The following CYP2U1 variants were observed in gnomAD, a reference collection of about 807,000 sequenced individuals.
The protein encoded by CYP2U1 is cytochrome P450 family 2 subfamily U member 1.
In CYP2U1, 28 loss-of-function variants were observed where a neutral mutation model predicts 42.8. The ratio of observed to expected loss-of-function variants is 0.65; its 90% CI spans 0.48 to 0.90. The LOEUF is 0.90. Ranked by LOEUF, CYP2U1 falls within the 40% of genes least tolerant of loss-of-function variation. CYP2U1 has a pLI of 0.00. For synonymous variants in CYP2U1, 296 were observed against 278.9 expected, an observed-to-expected ratio of 1.06 and a Z score of -0.61; for missense variants, 642 against 693.8, an observed-to-expected ratio of 0.93 and a Z score of 0.84.
intron 2 of CYP2U1, among the ~76,000 whole-genome samples, chr4:107,945,925 G>T (rs1733684879): frequency 1.3e-5 from 2 of 152,118 alleles, no homozygotes; most frequent in African/African-American, 2.4e-5. Flanking sequence ...AACACATCTT[G>T]TTTTTTTGAA....
intron 1 of CYP2U1, among the ~76,000 whole-genome samples, chr4:107,941,548 T>C (rs1733495783): frequency 6.6e-6 from 1 of 151,866 alleles, no homozygotes; most frequent in African/African-American, 2.4e-5. Flanking sequence ...CAAGCAAATG[T>C]CAAATGTCAA....
intron 1 of CYP2U1, among the ~76,000 whole-genome samples, chr4:107,944,532 C>T (rs1257953166): frequency 6.6e-6 from 1 of 151,154 alleles, no homozygotes; most frequent in East Asian, 2.0e-4. Context: ...TCTGGAACTC[C>T]TGGCTTCAAT....
chr4:107,947,056 C>A (rs549101672), intron 2 of CYP2U1, among the ~76,000 whole-genome samples: 2 of 152,174 alleles, frequency 1.3e-5, no homozygotes, highest in Non-Finnish European at 2.9e-5. Context: ...CACATGTTGT[C>A]ACAGTCTACT....
chr4:107,949,057 T>A (rs557519630), intron 3 of CYP2U1, among the ~76,000 whole-genome samples: 1 of 152,270 alleles, frequency 6.6e-6, no homozygotes, highest in East Asian at 1.9e-4. Context: ...AATCCCCTAT[T>A]GTTTCTGTTT....
intron 4 of CYP2U1, 64 bp from the exon 5 acceptor site, chr4:107,950,181 A>G (rs763979652): frequency 9.7e-5 from 140 of 1,442,988 alleles, no homozygotes; most frequent in Non-Finnish European, 1.3e-4. Context: ...ATAAATTTGT[A>G]CTTTTTGAAA....
chr4:107,934,513 G>A (rs567766994), intron 1 of CYP2U1, among the ~76,000 whole-genome samples: 3 of 151,918 alleles, frequency 2.0e-5, no homozygotes, highest in South Asian at 2.1e-4. Flanking sequence ...GCTTGCTTCC[G>A]CTCCAGATTT....
intron 1 of CYP2U1, among the ~76,000 whole-genome samples, chr4:107,933,860 A>G (rs1295167291): frequency 1.3e-5 from 2 of 152,198 alleles, no homozygotes; most frequent in Non-Finnish European, 2.9e-5. Flanking sequence ...CATTCAGTAC[A>G]GATGTGTTTT....
intron 1 of CYP2U1, among the ~76,000 whole-genome samples, chr4:107,943,624 A>G (rs764393397): frequency 3.9e-5 from 6 of 152,238 alleles, no homozygotes; most frequent in African/African-American, 1.2e-4. Flanking sequence ...GAAGATTCCA[A>G]TGAGGAAAGT....
intron 1 of CYP2U1, 186 bp downstream of exon 1, chr4:107,932,319 C>A: frequency 1.6e-6 from 1 of 620,752 alleles, no homozygotes; most frequent in Non-Finnish European, 2.0e-6. Context: ...AAGATCCCAT[C>A]AAGTAGTGAC....
At chr4:107,935,761 C>T (rs1287609989) in intron 1 of CYP2U1, 1 of 152,182 alleles carries the variant, frequency 6.6e-6, no homozygotes, top group Non-Finnish European at 1.5e-5. Flanking sequence ...TCAAGATGCT[C>T]AGCTCAGCAA....
At chr4:107,932,304 C>A (rs1041308486) in intron 1 of CYP2U1, 171 bp downstream of exon 1, 1 of 720,462 alleles carries the variant, frequency 1.4e-6, no homozygotes, top group Non-Finnish European at 1.7e-6. Flanking sequence ...CTTTCTGATG[C>A]CTTTAAGATC....
rs1339047775 is a variant in CYP2U1, at chr4:107,931,916, C to T, written c.273C>T (p.Thr91=). The T allele has an allele frequency of 6.4e-7, 1 of 1,550,942 alleles. No individual in the cohort carries two copies. Among genetic ancestry groups the T allele is most frequent in the Non-Finnish European group, 8.7e-7 (1 of 1,146,924 alleles). ...LRRRSWLSSR[T]RAAGIDPSVI... is the part of the protein sequence containing the mutation. Reference sequence around the variant, plus strand: ...GGCGGAGCTGGCTGAGCAGCAGGACCAGGGCCGCAGGGATTGATCCCTCGG... The same window carrying T: ...GGCGGAGCTGGCTGAGCAGCAGGACTAGGGCCGCAGGGATTGATCCCTCGG... Residue 91 remains threonine, a synonymous_variant, in exon 1 of 5, where the codon ACC becomes ACT. Transcript: ENST00000332884.
At chr4:107,950,153 T>C in intron 4 of CYP2U1, 92 bp from the exon 5 acceptor site, 1 of 1,275,768 alleles carries the variant, frequency 7.8e-7, no homozygotes, top group Non-Finnish European at 1.1e-6. Context: ...TTTAGAATAC[T>C]CAATTTAGAT....
In CYP2U1 at chr4:107,931,688, C is replaced by G. The variant is rs1732981162; in HGVS notation, c.45C>G (p.Pro15=). ...GPSQPPAEDP[P]WPARLLRAPL... ...CGCAGCCGCCGGCCGAGGACCCGCC[C>G]TGGCCCGCGCGCCTCCTGCGTGCGC... Residue 15 remains proline (P), a synonymous_variant, in exon 1 of 5, where the codon CCC becomes CCG. Coordinates refer to ENST00000332884, the MANE Select transcript of CYP2U1 (RefSeq NM_183075.3). The G allele has an allele frequency of 7.5e-7, 1 of 1,335,620 alleles. No individual in the cohort carries two copies. The highest frequency in any genetic ancestry group is 1.5e-5 in the African/African-American group (1 of 64,650). The allele number at this position is 1,335,620 out of a possible 1,614,324, so 82.7% of individuals were successfully genotyped here. A position where few individuals can be genotyped will look rare whatever the true frequency, so the allele number is the denominator to read the frequency against.
In CYP2U1 at chr4:107,949,359, G is replaced by T; in HGVS notation, c.1298G>T (p.Gly433Val). The T allele has an allele frequency of 1.3e-6, 2 of 1,559,860 alleles. No individual in the cohort carries two copies. Among genetic ancestry groups the T allele is most frequent in the Non-Finnish European group, 1.7e-6 (2 of 1,153,138 alleles). The change falls in exon 4 of 5, where the codon GGG becomes GTG. Residue 433 changes from glycine (G) to valine (V), a missense_variant. By Grantham distance (109) the Gly-to-Val change is moderately radical. Coordinates refer to ENST00000332884, the MANE Select transcript of CYP2U1 (RefSeq NM_183075.3). ...TTTCCTTTTGTTTTAGTGCTCCAAG[G>T]GTATACCATTCCTAAAGGCACATTG... Reference protein sequence around the residue: ...HMTSENTVLQGYTIPKGTLIL... With the variant: ...HMTSENTVLQVYTIPKGTLIL...
In CYP2U1 at chr4:107,950,595, A is replaced by C. The variant is rs1223844684; in HGVS notation, c.*172A>C. 2 of 568,888 alleles carry C rather than the reference A, an allele frequency of 3.5e-6. No individual in the cohort carries two copies. The highest frequency in any genetic ancestry group is 5.7e-6 in the Non-Finnish European group (2 of 352,458). The allele number at this position is 568,888 out of a possible 1,614,324, so 35.2% of individuals were successfully genotyped here. A position where few individuals can be genotyped will look rare whatever the true frequency, so the allele number is the denominator to read the frequency against. On this transcript the variant is annotated 3_prime_UTR_variant, in exon 5 of 5. Transcript: ENST00000332884. ...GAGGTTTCATCTTGGAGGATTCCTC[A>C]GCAGGATACTTCAGCCATTTTAGTA...
At chr4:107,933,206 A>G (rs1318469285) in intron 1 of CYP2U1, among the ~76,000 whole-genome samples, 3 of 152,218 alleles carry the variant, frequency 2.0e-5, no homozygotes, top group African/African-American at 4.8e-5. Flanking sequence ...ATTCATAGGG[A>G]CAGAAAGTCT....
Position 107,931,836 on chromosome 4 carries a change from C to T in CYP2U1, c.193C>T (p.Pro65Ser). The T allele has an allele frequency of 6.5e-7, 1 of 1,538,546 alleles. No homozygotes were observed. The highest frequency in any genetic ancestry group is 1.2e-5 in the South Asian group (1 of 82,700). Residue 65 changes from proline to serine, a missense_variant, in exon 1 of 5, where the codon CCC (proline) becomes TCC (serine). Transcript: ENST00000332884. ...GCGGGGCATCCCGCCCGGGCCCACG[C>T]CCTGGCCTCTGGTGGGCAACTTCGG... is the stretch of plus-strand genomic sequence containing the variant. ...RARGIPPGPT[P>S]WPLVGNFGHV...
intron 1 of CYP2U1, among the ~76,000 whole-genome samples, chr4:107,934,764 T>C (rs958585315): frequency 6.6e-6 from 1 of 152,236 alleles, no homozygotes; most frequent in East Asian, 1.9e-4. Context: ...GTACGATGTT[T>C]GTCTTCTTTG....
Sources: gnomAD v4.1 joint callset for allele counts (sites outside exome capture counted in the v4.1 genomes callset) on GRCh38, gnomAD v4.1.1 for gene constraint, MANE v1.5 for transcripts, NCBI Gene and HGNC (gene_info 2026-07-23, HGNC 2026-07-21) for gene names.